The following SCARF2 variants were observed in gnomAD, a reference collection of about 807,000 sequenced individuals.
SCARF2 encodes scavenger receptor class F member 2.
A neutral mutation model predicts 73.4 loss-of-function variants in SCARF2; 39 were observed. The observed-to-expected ratio is 0.53, with a 90% CI of 0.41 to 0.69. SCARF2 has a LOEUF of 0.69. Ranked by LOEUF, SCARF2 falls within the 30% of genes least tolerant of loss-of-function variation. The pLI is 0.00. For synonymous variants in SCARF2, 605 were observed against 590.0 expected (o/e 1.03, Z -0.37); for missense variants, 1,148 against 1,303.5 (o/e 0.88, Z 1.84).
Position 20,425,279 on chromosome 22 carries a change from A to C in SCARF2, c.*96T>G. The C allele has an allele frequency of 2.7e-6, 3 of 1,098,220 alleles. No homozygotes were observed. Among genetic ancestry groups the C allele is most frequent in the East Asian group, 3.2e-5 (1 of 30,984 alleles). The allele number at this position is 1,098,220 out of a possible 1,614,324, so 68.0% of individuals were successfully genotyped here. ...TCCGCTAGCCGCGCGGTGCCCGGCCAATAGGAGGCCGCCCGTGCCCGGTAG... is the reference window on the plus strand; with the variant it reads ...TCCGCTAGCCGCGCGGTGCCCGGCCCATAGGAGGCCGCCCGTGCCCGGTAG... On this transcript the variant is annotated 3_prime_UTR_variant, in exon 11 of 11. Coordinates refer to ENST00000622235, the MANE Select transcript of SCARF2 (RefSeq NM_182895.5). The surrounding 1 kb of genome is among the most constrained non-coding windows in gnomAD (Gnocchi z 4.6).
Position 20,425,720 on chromosome 22 carries a change from C to T in SCARF2, c.2256G>A (p.Glu752=), listed in dbSNP as rs1601293573. The T allele has an allele frequency of 5.7e-6, 7 of 1,229,656 alleles. No individual in the cohort carries two copies. The South Asian group carries it at 2.0e-4, about 35-fold the overall frequency. 76.2% of individuals were successfully genotyped at this position (1,229,656 alleles called of 1,614,324 possible). Residue 752 remains glutamate, a synonymous_variant, in exon 11 of 11, where the codon GAG becomes GAA. Transcript: ENST00000622235. The surrounding 1 kb of genome is among the most constrained non-coding windows in gnomAD (Gnocchi z 4.6). The part of the protein sequence containing the change: ...RARGRGPGLL[E]PTDAGGPPRS... ...GCGGGGGACCGCCGGCGTCCGTGGGCTCCAAGAGGCCGGGGCCGCGGCCCC... is the reference window on the plus strand; with the variant it reads ...GCGGGGGACCGCCGGCGTCCGTGGGTTCCAAGAGGCCGGGGCCGCGGCCCC...
Position 20,425,401 on chromosome 22 carries a change from C to G in SCARF2, c.2575G>C (p.Gly859Arg), listed in dbSNP as rs769974381. 1.4e-6 allele frequency: 2 copies of G among 1,430,616 alleles called. No individual in the cohort carries two copies. The highest frequency in any genetic ancestry group is 9.2e-7 in the Non-Finnish European group (1 of 1,089,692). 88.6% of individuals were successfully genotyped at this position (1,430,616 alleles called of 1,614,324 possible). The change falls in exon 11 of 11, where the codon GGC (glycine) becomes CGC (arginine). Residue 859 changes from glycine to arginine, a missense_variant. Transcript: ENST00000622235. This position sits in a 1 kb window ranked among gnomAD's most constrained non-coding sequence, Gnocchi z 4.6. ...TACAGGGTGGGTGCGCCCGCCCTGC[C>G]CAGCTCGCCCGCCGCCTCCCGGCTC... ...KKSREAAGELGRAGAPTL is the reference protein window; with the variant it reads ...KKSREAAGELRRAGAPTL
At position 20,425,391 on chromosome 22, in the gene SCARF2, C is replaced by A; in HGVS notation, c.2585G>T (p.Gly862Val). The A allele has an allele frequency of 7.0e-7, 1 of 1,422,440 alleles. No homozygotes were observed. The highest frequency in any genetic ancestry group is 2.3e-4 in the Middle Eastern group (1 of 4,262). The allele number at this position is 1,422,440 out of a possible 1,614,324, so 88.1% of individuals were successfully genotyped here. Residue 862 changes from glycine (G) to valine (V), a missense_variant, in exon 11 of 11, where the codon GGC becomes GTC. By Grantham distance (109) the Gly-to-Val change is moderately radical. Coordinates refer to ENST00000622235, the MANE Select transcript of SCARF2 (RefSeq NM_182895.5). The surrounding 1 kb of genome is among the most constrained non-coding windows in gnomAD (Gnocchi z 4.6). ...CACAGCCTGCTACAGGGTGGGTGCG[C>A]CCGCCCTGCCCAGCTCGCCCGCCGC... ...REAAGELGRAGAPTL is the reference protein window; with the variant it reads ...REAAGELGRAVAPTL
In SCARF2 at chr22:20,431,168, G is replaced by C; in HGVS notation, c.704C>G (p.Thr235Arg). The change falls in exon 4 of 11, where the codon ACG becomes AGG. Residue 235 changes from threonine (T) to arginine (R), a missense_variant. Physicochemically the swap from Thr to Arg is moderately conservative, Grantham distance 71 (BLOSUM62 -1). Coordinates refer to ENST00000622235, the MANE Select transcript of SCARF2 (RefSeq NM_182895.5). The part of the protein sequence containing the change: ...QSGRCQCRER[T>R]FGARCDRYCQ... ...GTAGCGATCGCAGCGCGCGCCGAAC[G>C]TACGCTCGCGGCACTGACAGCGGCC... The C allele has an allele frequency of 6.4e-7, 1 of 1,565,468 alleles. No individual in the cohort carries two copies. Among genetic ancestry groups the C allele is most frequent in the Non-Finnish European group, 8.6e-7 (1 of 1,164,576 alleles).
chr22:20,429,982 G>T lies in SCARF2; in HGVS notation c.1203-149C>A, dbSNP rs2052624428. On this transcript the variant is annotated intron_variant, in intron 6 of 10. Transcript: ENST00000622235. This position sits in a 1 kb window ranked among gnomAD's most constrained non-coding sequence, Gnocchi z 5.2. ...TTCGTCGTCTAGGGATTGAAGCCCC[G>T]CCCCGCCCGTGGCACATATTGGGTA... is the stretch of plus-strand genomic sequence containing the variant. 6.6e-6 allele frequency: 5 copies of T among 752,286 alleles called. No individual in the cohort carries two copies. The highest frequency in any genetic ancestry group is 1.1e-5 in the Non-Finnish European group (5 of 460,398). 46.6% of individuals were successfully genotyped at this position (752,286 alleles called of 1,614,324 possible).
At chr22:20,432,269 T>C (rs555487480) in intron 1 of SCARF2, among the ~76,000 whole-genome samples, 4 of 152,264 alleles carry the variant, frequency 2.6e-5, no homozygotes, top group South Asian at 4.1e-4. Flanking sequence ...AAAAGTGGCC[T>C]TGGAGTCCCA....
chr22:20,429,908 G>GCCAGGGC lies in SCARF2; in HGVS notation c.1203-82_1203-76dup, dbSNP rs2146128042. The GCCAGGGC allele has an allele frequency of 6.8e-7, 1 of 1,468,502 alleles. No homozygotes were observed. The highest frequency in any genetic ancestry group is 9.3e-7 in the Non-Finnish European group (1 of 1,077,348). The allele number at this position is 1,468,502 out of a possible 1,614,324, so 91.0% of individuals were successfully genotyped here. ...CCCCTACCCTCACCCCTCACCCGCGGCCAGGGCCCAGGGTCCAGGGTCCCA... is the reference window on the plus strand; with the variant it reads ...CCCCTACCCTCACCCCTCACCCGCGGCCAGGGCCCAGGGCCCAGGGTCCAGGGTCCCA... On this transcript the variant is annotated intron_variant, in intron 6 of 10. Transcript: ENST00000622235. The surrounding 1 kb of genome is among the most constrained non-coding windows in gnomAD (Gnocchi z 5.2).
Position 20,427,516 on chromosome 22 carries a change from G to A in SCARF2, c.1575C>T (p.Cys525=). 1.2e-6 allele frequency: 2 copies of A among 1,613,876 alleles called. No homozygotes were observed. Among genetic ancestry groups the A allele is most frequent in the South Asian group, 2.2e-5 (2 of 91,074 alleles). Residue 525 remains cysteine (C), a synonymous_variant, in exon 10 of 11, where the codon TGC becomes TGT. Transcript: ENST00000622235. The stretch of plus-strand genomic sequence containing the variant: ...GCCCTGAGGGTGGCTCCAGGAAGCT[G>A]CAGTTGAGTGTGTTATCCAGGTCGT... ...AHHDLDNTLN[C]SFLEPPSGLE...
intron 9 of SCARF2, among the ~76,000 whole-genome samples, chr22:20,428,748 C>T (rs187194237): frequency 6.2e-4 from 94 of 152,238 alleles, no homozygotes; most frequent in African/African-American, 2.2e-3. Context: ...GCACACCCCA[C>T]CCCCCTATCC....
rs77962729 is a variant in SCARF2, at chr22:20,430,791, G to T, written c.972C>A (p.Gly324=). ...GCGGACAGCGGTGGCTGCAGCCCTC[G>T]CCATAGAAACCGGTGGCGCAAGGCT... ...CDQPCATGFY[G]EGCSHRCPPC... The change falls in exon 5 of 11, where the codon GGC becomes GGA. Residue 324 remains glycine, a synonymous_variant. Coordinates refer to ENST00000622235, the MANE Select transcript of SCARF2 (RefSeq NM_182895.5). 1,045 of 1,605,930 alleles carry T rather than the reference G, an allele frequency of 6.5e-4. 11 individuals are homozygous for T. In the East Asian group the frequency reaches 0.017, roughly 26 times the overall value.
chr22:20,432,959 C>T (rs1396864867), intron 1 of SCARF2, among the ~76,000 whole-genome samples: 2 of 152,200 alleles, frequency 1.3e-5, no homozygotes, highest in Non-Finnish European at 2.9e-5. Context: ...TCAGGTGATC[C>T]GCCCGCCTCG....
rs757245772 is a variant in SCARF2 at position 20,429,380 on chromosome 22, C to T, written c.1425-40G>A. 7.8e-6 allele frequency: 4 copies of T among 511,608 alleles called. No homozygotes were observed. In the Admixed American group the frequency reaches 1.1e-4, roughly 14 times the overall value. 31.7% of individuals were successfully genotyped at this position (511,608 alleles called of 1,614,324 possible). A position where few individuals can be genotyped will look rare whatever the true frequency, so the allele number is the denominator to read the frequency against. On this transcript the variant is annotated intron_variant, in intron 8 of 10. Transcript: ENST00000622235. This position sits in a 1 kb window ranked among gnomAD's most constrained non-coding sequence, Gnocchi z 5.2. ...TCTGAGCGGAGGGGCGGGGCCGGGG[C>T]GGGGCCCAGGGGCGATTAGATCTCG...
Position 20,425,795 on chromosome 22 carries a change from G to C in SCARF2, c.2181C>G (p.Pro727=), listed in dbSNP as rs1171701467. 6.8e-7 allele frequency: 1 copy of C among 1,468,196 alleles called. No homozygotes were observed. The highest frequency in any genetic ancestry group is 9.0e-7 in the Non-Finnish European group (1 of 1,114,358). 90.9% of individuals were successfully genotyped at this position (1,468,196 alleles called of 1,614,324 possible). A position where few individuals can be genotyped will look rare whatever the true frequency, so the allele number is the denominator to read the frequency against. ...GCGCAGCGAGGGCTGTCGCCTCCTCGGGCAGCCCGGGGGGCCGCGGCGTTG... is the reference window on the plus strand; with the variant it reads ...GCGCAGCGAGGGCTGTCGCCTCCTCCGGCAGCCCGGGGGGCCGCGGCGTTG... ...RDPTPRPPGL[P]EEATALAAPS... The change falls in exon 11 of 11, where the codon CCC becomes CCG. Residue 727 remains proline, a synonymous_variant. Coordinates refer to ENST00000622235, the MANE Select transcript of SCARF2 (RefSeq NM_182895.5). This position sits in a 1 kb window ranked among gnomAD's most constrained non-coding sequence, Gnocchi z 4.6.
chr22:20,432,481 G>C (rs1045949987), intron 1 of SCARF2, among the ~76,000 whole-genome samples: 7 of 152,162 alleles, frequency 4.6e-5, no homozygotes, highest in African/African-American at 1.7e-4. Flanking sequence ...CCCAGTTGGG[G>C]TTGAGCTCCA....
intron 1 of SCARF2, among the ~76,000 whole-genome samples, chr22:20,434,362 C>T (rs1350855817): frequency 6.6e-6 from 1 of 152,142 alleles, no homozygotes; most frequent in Non-Finnish European, 1.5e-5. Flanking sequence ...AGAGCGCGCG[C>T]CAAGACCTAT....
intron 6 of SCARF2, among the ~76,000 whole-genome samples, chr22:20,430,082 C>T (rs969994236): frequency 6.6e-6 from 1 of 152,180 alleles, no homozygotes; most frequent in East Asian, 1.9e-4. Flanking sequence ...GTGGCCGCGC[C>T]GCAGCGCCCA....
intron 1 of SCARF2, among the ~76,000 whole-genome samples, chr22:20,436,465 G>A (rs1277770595): frequency 6.6e-6 from 1 of 152,020 alleles, no homozygotes; most frequent in African/African-American, 2.4e-5. Flanking sequence ...CGAAGCAGAT[G>A]GCGGGCCAGG....
chr22:20,430,831 C>A lies in SCARF2; in HGVS notation c.932G>T (p.Gly311Val). The A allele has an allele frequency of 6.2e-7, 1 of 1,607,266 alleles. No individual in the cohort carries two copies. The highest frequency in any genetic ancestry group is 8.5e-7 in the Non-Finnish European group (1 of 1,178,022). Residue 311 changes from glycine to valine, a missense_variant, in exon 5 of 11, where the codon GGA (glycine) becomes GTA (valine). Gly to Val is a moderately radical substitution (Grantham distance 109). This residue lies in a region of SCARF2 where 372 missense variants were observed against 532.0 expected (regional missense o/e 0.70). Coordinates refer to ENST00000622235, the MANE Select transcript of SCARF2 (RefSeq NM_182895.5). Reference protein sequence around the residue: ...RCLTCEPGWNGTKCDQPCATG... With the variant: ...RCLTCEPGWNVTKCDQPCATG... Reference sequence around the variant, plus strand: ...GGCGCAAGGCTGGTCGCACTTGGTTCCGTTCCAGCCGGGCTCGCACGTCAA... The same window carrying A: ...GGCGCAAGGCTGGTCGCACTTGGTTACGTTCCAGCCGGGCTCGCACGTCAA...
In SCARF2 at chr22:20,431,809, C is replaced by T; in HGVS notation, c.270G>A (p.Glu90=). The T allele has an allele frequency of 6.3e-7, 1 of 1,598,468 alleles. No individual in the cohort carries two copies. The highest frequency in any genetic ancestry group is 8.5e-7 in the Non-Finnish European group (1 of 1,173,732). Residue 90 remains glutamate (E), a synonymous_variant, in exon 3 of 11, where the codon GAG becomes GAA. Coordinates refer to ENST00000622235, the MANE Select transcript of SCARF2 (RefSeq NM_182895.5). ...CEGNSTCSEN[E]VCVRPGECRC... is the part of the protein sequence containing the mutation. Reference sequence around the variant, plus strand: ...GGCACTCGCCAGGCCTCACGCACACCTCGTTCTCTGAGCACGTGGAGTTGC... The same window carrying T: ...GGCACTCGCCAGGCCTCACGCACACTTCGTTCTCTGAGCACGTGGAGTTGC...
Sources: allele counts gnomAD v4.1 joint callset (sites outside exome capture counted in the v4.1 genomes callset), GRCh38; gene constraint gnomAD v4.1.1; regional missense constraint gnomAD v4.1.1; non-coding constraint Gnocchi (gnomAD v3.1); transcripts MANE v1.5; gene names NCBI Gene and HGNC (gene_info 2026-07-23, HGNC 2026-07-21).